Variants in FGF1 observed in about 807,000 individuals in gnomAD.
FGF1 encodes the protein fibroblast growth factor 1.
Under a neutral mutation model 13.4 loss-of-function variants are expected in FGF1, and 9 were observed. That is an observed-to-expected ratio of 0.67 (90% CI 0.40 to 1.17). The LOEUF is 1.17. Among genes scored for constraint, FGF1 ranks in the 50% most tolerant of loss-of-function variants. FGF1 has a pLI of 0.01. For synonymous variants in FGF1, 93 were observed against 79.0 expected (o/e 1.18, Z -0.94); for missense variants, 156 against 192.7 (o/e 0.81, Z 1.13).
rs186442946 is a variant in FGF1 at position 142,666,886 on chromosome 5, G to C, written c.-35+19071C>G. ...CAGAAGTTTGAGGCTGCAGTGAGCT[G>C]TGATAGTGCCACTGCAGTGAGGCCT... On this transcript the variant is annotated intron_variant, in intron 1 of 3. Coordinates refer to ENST00000337706, the MANE Select transcript of FGF1 (RefSeq NM_000800.5). Among the ~76,000 whole-genome samples, 2 of 151,938 alleles carry C rather than the reference G, an allele frequency of 1.3e-5. 1 individual carries two copies. Among genetic ancestry groups the C allele is most frequent in the Admixed American group, 1.3e-4 (2 of 15,252 alleles).
chr5:142,686,884 C>G (rs547028822), upstream of FGF1, among the ~76,000 whole-genome samples: 40 of 152,232 alleles, frequency 2.6e-4, no homozygotes, highest in African/African-American at 8.4e-4. Context: ...GTGGGAAATT[C>G]TTCAATGGGC....
intron 1 of FGF1, among the ~76,000 whole-genome samples, chr5:142,655,935 C>T (rs991189498): frequency 3.3e-5 from 5 of 152,242 alleles, no homozygotes; most frequent in Non-Finnish European, 7.3e-5. Flanking sequence ...AGACTGTTTA[C>T]ACTTCAGCTT....
upstream of FGF1, among the ~76,000 whole-genome samples, chr5:142,690,386 A>C (rs984305550): frequency 6.6e-6 from 1 of 152,134 alleles, no homozygotes; most frequent in Non-Finnish European, 1.5e-5. Context: ...CTTAAAACGA[A>C]CACTCTGTGC....
intron 2 of FGF1, among the ~76,000 whole-genome samples, chr5:142,602,973 A>G (rs1438475689): frequency 6.6e-6 from 1 of 152,150 alleles, no homozygotes; most frequent in Non-Finnish European, 1.5e-5. Flanking sequence ...AGTCTTTGCT[A>G]TAGAGACTCA....
chr5:142,592,291 G>A lies in FGF1; in HGVS notation c.*2999C>T. The A allele has an allele frequency of 2.5e-6, 1 of 398,512 alleles. No homozygotes were observed. The highest frequency in any genetic ancestry group is 4.4e-6 in the Non-Finnish European group (1 of 225,974). 24.7% of individuals were successfully genotyped at this position (398,512 alleles called of 1,614,324 possible). Reference sequence around the variant, plus strand: ...ATCAGAGGTCTGCTTTGCAGCCTGTGAGTTTAGTTGTCAGCAGTACACTCA... The same window carrying A: ...ATCAGAGGTCTGCTTTGCAGCCTGTAAGTTTAGTTGTCAGCAGTACACTCA... On this transcript the variant is annotated 3_prime_UTR_variant, in exon 4 of 4. Transcript: ENST00000337706.
chr5:142,605,429 A>C (rs1220377104), intron 2 of FGF1, among the ~76,000 whole-genome samples: 1 of 152,030 alleles, frequency 6.6e-6, no homozygotes, highest in Non-Finnish European at 1.5e-5. Context: ...CCAATCAAAG[A>C]AGATTTTTAA....
At position 142,614,062 on chromosome 5, in the gene FGF1, A is replaced by G. The variant is rs1268041742; in HGVS notation, c.66T>C (p.Asn22=). 1.9e-6 allele frequency: 3 copies of G among 1,614,112 alleles called. No homozygotes were observed. The highest frequency in any genetic ancestry group is 8.5e-7 in the Non-Finnish European group (1 of 1,180,014). Residue 22 remains asparagine, a synonymous_variant, in exon 2 of 4, where the codon AAT becomes AAC. Transcript: ENST00000337706. Reference sequence around the variant, plus strand: ...AGTAGAGGAGTTTGGGCTTCTTGTAATTCCCTGGAGGCAGATTAAACTTCT... The same window carrying G: ...AGTAGAGGAGTTTGGGCTTCTTGTAGTTCCCTGGAGGCAGATTAAACTTCT... ...LTEKFNLPPG[N]YKKPKLLYCS... is the part of the protein sequence containing the mutation.
intron 3 of FGF1, among the ~76,000 whole-genome samples, chr5:142,599,141 A>T (rs1311302047): frequency 2.6e-5 from 4 of 152,216 alleles, no homozygotes; most frequent in African/African-American, 9.6e-5. Flanking sequence ...TGGGTAAGTG[A>T]CTTGCCAGAG....
At chr5:142,636,035 G>C (rs1764194633) in intron 1 of FGF1, among the ~76,000 whole-genome samples, 1 of 152,144 alleles carries the variant, frequency 6.6e-6, no homozygotes, top group African/African-American at 2.4e-5. Flanking sequence ...TGTTGCTGCT[G>C]GTGGGAAGAA....
In FGF1 at chr5:142,673,997, C is replaced by G. The variant is rs559289565; in HGVS notation, c.-35+11960G>C. Among the ~76,000 whole-genome samples, 8 of 152,308 alleles carry G rather than the reference C, an allele frequency of 5.3e-5. No individual in the cohort carries two copies. The East Asian group carries it at 1.5e-3, about 29-fold the overall frequency. On this transcript the variant is annotated intron_variant, in intron 1 of 3. Coordinates refer to ENST00000337706, the MANE Select transcript of FGF1 (RefSeq NM_000800.5). ...GGCCTCTGTGGCATTTTAGCACACACCAAGCTCATGCCCACCACAGGCCCT... is the reference window on the plus strand; with the variant it reads ...GGCCTCTGTGGCATTTTAGCACACAGCAAGCTCATGCCCACCACAGGCCCT...
At chr5:142,686,242 T>TA (rs1751177210), upstream of FGF1, 1 of 152,028 alleles carries the variant, frequency 6.6e-6, no homozygotes, top group South Asian at 2.1e-4. Context: ...TGTCAGCCTC[T>TA]AGGTCTATCT....
intron 2 of FGF1, among the ~76,000 whole-genome samples, chr5:142,605,002 A>G (rs149181175): frequency 1.5e-3 from 228 of 152,310 alleles, no homozygotes; most frequent in African/African-American, 5.3e-3. Context: ...TTTTCAACCT[A>G]TCGCCCATAT....
chr5:142,637,324 G>T (rs908989817), intron 1 of FGF1, among the ~76,000 whole-genome samples: 55 of 141,650 alleles, frequency 3.9e-4, no homozygotes, highest in African/African-American at 1.1e-3. Flanking sequence ...CGGCGTTTTT[G>T]TTTTTTTTTT....
chr5:142,626,344 C>T (rs1380155816), intron 1 of FGF1, among the ~76,000 whole-genome samples: 1 of 152,122 alleles, frequency 6.6e-6, no homozygotes, highest in Non-Finnish European at 1.5e-5. Context: ...AAGTGAGGCT[C>T]AGAAAGTTTA....
At chr5:142,667,312 C>A (rs548079145) in intron 1 of FGF1, among the ~76,000 whole-genome samples, 90 of 150,234 alleles carry the variant, frequency 6.0e-4, no homozygotes, top group African/African-American at 2.0e-3. Context: ...ACAGGCCGGG[C>A]GCGGTGGCTC....
At chr5:142,672,218 C>T (rs953277735) in intron 1 of FGF1, among the ~76,000 whole-genome samples, 3 of 152,024 alleles carry the variant, frequency 2.0e-5, no homozygotes, top group Non-Finnish European at 2.9e-5. Context: ...ACAGTGATTA[C>T]CACTGGATGA....
intron 1 of FGF1, among the ~76,000 whole-genome samples, chr5:142,663,781 G>A (rs1030725172): frequency 4.6e-5 from 7 of 152,122 alleles, no homozygotes; most frequent in Non-Finnish European, 7.3e-5. Flanking sequence ...AACCATTAGC[G>A]ATTTGATGTG....
Position 142,676,904 on chromosome 5 carries a change from C to A in FGF1, c.-35+9053G>T, listed in dbSNP as rs1310561013. ...AAAGATCCCCATTTTTACTTCAAAA[C>A]AAAAACAAAAAACAAAACAACAACA... On this transcript the variant is annotated intron_variant, in intron 1 of 3. Transcript: ENST00000337706. 2.1e-5 allele frequency among the ~76,000 whole-genome samples: 3 copies of A among 144,668 alleles called. No homozygotes were observed. The East Asian group carries it at 5.8e-4, about 28-fold the overall frequency. 94.9% of individuals were successfully genotyped at this position (144,668 alleles called of 152,430 possible).
Position 142,608,569 on chromosome 5 carries a change from TATATATATATATATAC to T in FGF1, c.169+5374_169+5389del, listed in dbSNP as rs796823212. 5.2e-3 allele frequency among the ~76,000 whole-genome samples: 466 copies of T among 90,018 alleles called. 5 individuals carry two copies. The highest frequency in any genetic ancestry group is 0.041 in the East Asian group (90 of 2,192). 59.1% of individuals were successfully genotyped at this position (90,018 alleles called of 152,430 possible). On this transcript the variant is annotated intron_variant, in intron 2 of 3. Transcript: ENST00000337706. ...ATATATATATATATATATATATATA[TATATATATATATATAC>T]ACACACACACACATATATGTAAATA...
Sources: allele counts gnomAD v4.1 joint callset (sites outside exome capture counted in the v4.1 genomes callset), GRCh38; gene constraint gnomAD v4.1.1; transcripts MANE v1.5; gene names NCBI Gene and HGNC (gene_info 2026-07-23, HGNC 2026-07-21).